PPIP5K2: variants seen among roughly 807,000 people sequenced by gnomAD.
The protein encoded by PPIP5K2 is diphosphoinositol pentakisphosphate kinase 2.
Under a neutral mutation model 154.6 loss-of-function variants are expected in PPIP5K2, and 105 were observed. The ratio of observed to expected loss-of-function variants is 0.68; its 90% CI spans 0.58 to 0.80. The LOEUF is 0.80. PPIP5K2 is among the 30% of genes least tolerant of loss of function. The probability of loss-of-function intolerance (pLI) is 0.00; values close to 1 mark genes in which losing one functional copy is unlikely to be tolerated. For synonymous variants in PPIP5K2, 480 were observed against 490.3 expected (o/e 0.98, Z 0.28); for missense variants, 992 against 1,504.6 (o/e 0.66, Z 5.64).
intron 21 of PPIP5K2, among the ~76,000 whole-genome samples, chr5:103,176,490 C>T (rs569803387): frequency 1.3e-5 from 2 of 151,926 alleles, no homozygotes; most frequent in African/African-American, 2.4e-5. Flanking sequence ...CACACACACA[C>T]GGAATGTATA....
At chr5:103,198,635 T>C (rs1554229335) in intron 30 of PPIP5K2, among the ~76,000 whole-genome samples, 1 of 152,210 alleles carries the variant, frequency 6.6e-6, no homozygotes, top group Non-Finnish European at 1.5e-5. Flanking sequence ...AATTGACTCA[T>C]TTATTATCAT....
chr5:103,176,825 A>T, intron 21 of PPIP5K2: 1 of 1,201,316 alleles, frequency 8.3e-7, no homozygotes, highest in Non-Finnish European at 1.1e-6. Flanking sequence ...GTTCTCTAAG[A>T]TCCTTTTCAG....
chr5:103,158,840 G>C (rs1344774438), intron 16 of PPIP5K2, among the ~76,000 whole-genome samples: 6 of 152,068 alleles, frequency 3.9e-5, no homozygotes, highest in African/African-American at 1.4e-4. Flanking sequence ...GAGATGGGAG[G>C]ATCACCTGAG....
intron 1 of PPIP5K2, among the ~76,000 whole-genome samples, chr5:103,121,883 GAAT>G (rs1358585641): frequency 6.6e-6 from 1 of 152,196 alleles, no homozygotes; most frequent in Admixed American, 6.5e-5. Flanking sequence ...TAAGTAGTGG[GAAT>G]ATATAGATTA....
In PPIP5K2 at chr5:103,158,314, G is replaced by C. The variant is rs1446331588; in HGVS notation, c.1615+1G>C. On this transcript the variant is annotated splice_donor_variant, in intron 15 of 30. Transcript: ENST00000358359. LOFTEE classifies it high-confidence loss of function. ...AGGTGTATGTATCCTGGAGGTCAAGGTAAATCTTAGAGTTTTCTTTAATTT... is the reference window on the plus strand; with the variant it reads ...AGGTGTATGTATCCTGGAGGTCAAGCTAAATCTTAGAGTTTTCTTTAATTT... The C allele has an allele frequency of 6.2e-7, 1 of 1,609,312 alleles. No homozygotes were observed. Among genetic ancestry groups the C allele is most frequent in the Non-Finnish European group, 8.5e-7 (1 of 1,178,806 alleles).
At chr5:103,140,632 GA>G (rs1346816565) in intron 5 of PPIP5K2, among the ~76,000 whole-genome samples, 7 of 151,782 alleles carry the variant, frequency 4.6e-5, no homozygotes, top group Admixed American at 4.6e-4. Context: ...GGCGGATCAC[GA>G]GGTCAGGAGA....
intron 17 of PPIP5K2, among the ~76,000 whole-genome samples, chr5:103,160,808 A>G (rs1796099181): frequency 6.6e-6 from 1 of 152,108 alleles, no homozygotes; most frequent in Non-Finnish European, 1.5e-5. Context: ...TAAAGTTGCC[A>G]TGAATATCCT....
In PPIP5K2 at chr5:103,211,284, T is replaced by C. The variant is rs1554232572; in HGVS notation, c.*9650T>C. 1 of 152,062 alleles carries C rather than the reference T, an allele frequency of 6.6e-6. No homozygotes were observed. The highest frequency in any genetic ancestry group is 1.5e-5 in the Non-Finnish European group (1 of 67,986). 9.4% of individuals were successfully genotyped at this position (152,062 alleles called of 1,614,324 possible). On this transcript the variant is annotated 3_prime_UTR_variant, in exon 31 of 31. Coordinates refer to ENST00000358359, the MANE Select transcript of PPIP5K2 (RefSeq NM_001276277.3). The stretch of plus-strand genomic sequence containing the variant: ...GAAAGACTAGACCTTATACTCATTT[T>C]ATCTTAACAGTTTATTATAACTCAT...
intron 21 of PPIP5K2, chr5:103,176,795 T>C (rs1798784682): frequency 3.3e-6 from 3 of 902,870 alleles, no homozygotes; most frequent in South Asian, 1.9e-5. Context: ...AATTTTCTAC[T>C]TTGAATGCTT....
chr5:103,187,247 CTCTT>C (rs774445505), intron 27 of PPIP5K2, 63 bp from the exon 28 acceptor site: 6 of 1,241,780 alleles, frequency 4.8e-6, no homozygotes, highest in Non-Finnish European at 5.7e-6. Flanking sequence ...TGTTTTTCCC[CTCTT>C]TCTTTTAAGT....
chr5:103,162,691 T>C (rs534915612), intron 17 of PPIP5K2, among the ~76,000 whole-genome samples: 1 of 152,296 alleles, frequency 6.6e-6, no homozygotes, highest in East Asian at 1.9e-4. Context: ...GCAAAAGTTA[T>C]AGTTTTTCAT....
intron 1 of PPIP5K2, among the ~76,000 whole-genome samples, chr5:103,126,894 C>T (rs1583183614): frequency 6.6e-6 from 1 of 152,108 alleles, no homozygotes; most frequent in East Asian, 1.9e-4. Context: ...CAGATACACC[C>T]ATGATCAATA....
rs78465395 is a variant in PPIP5K2 at position 103,150,907 on chromosome 5, T to A, written c.907-346T>A. On this transcript the variant is annotated intron_variant, in intron 8 of 30. Coordinates refer to ENST00000358359, the MANE Select transcript of PPIP5K2 (RefSeq NM_001276277.3). Reference sequence around the variant, plus strand: ...ATTTCTGCTAGAGCCAATTTTTTTTTATCAGATCCTTTAAAAATTTTGCTT... The same window carrying A: ...ATTTCTGCTAGAGCCAATTTTTTTTAATCAGATCCTTTAAAAATTTTGCTT... 4.4e-3 allele frequency among the ~76,000 whole-genome samples: 663 copies of A among 151,086 alleles called. 3 individuals carry two copies. The highest frequency in any genetic ancestry group is 0.014 in the African/African-American group (583 of 41,202).
At chr5:103,147,636 A>G (rs1413509946) in intron 6 of PPIP5K2, among the ~76,000 whole-genome samples, 3 of 151,984 alleles carry the variant, frequency 2.0e-5, no homozygotes, top group Non-Finnish European at 4.4e-5. Context: ...GGAAAATTCT[A>G]GAGTAGTAAA....
At chr5:103,127,398 G>A (rs535889472) in intron 1 of PPIP5K2, among the ~76,000 whole-genome samples, 2 of 152,074 alleles carry the variant, frequency 1.3e-5, no homozygotes, top group African/African-American at 4.8e-5. Context: ...AATTTATTTG[G>A]CTATCTTCCT....
At position 103,146,412 on chromosome 5, in the gene PPIP5K2, A is replaced by G. The variant is rs1011395483; in HGVS notation, c.488-115A>G. 26 of 1,076,254 alleles carry G rather than the reference A, an allele frequency of 2.4e-5. No homozygotes were observed. The Admixed American group carries it at 6.2e-4, about 26-fold the overall frequency. 66.7% of individuals were successfully genotyped at this position (1,076,254 alleles called of 1,614,324 possible). The stretch of plus-strand genomic sequence containing the variant: ...TGGATAATTAAAATCAAGTAAGTAC[A>G]TTATCCAAGTTTTCTTTTATGGTCT... On this transcript the variant is annotated intron_variant, in intron 5 of 30. Coordinates refer to ENST00000358359, the MANE Select transcript of PPIP5K2 (RefSeq NM_001276277.3).
At chr5:103,185,977 A>G (rs1359633975) in intron 26 of PPIP5K2, among the ~76,000 whole-genome samples, 1 of 151,864 alleles carries the variant, frequency 6.6e-6, no homozygotes, top group East Asian at 1.9e-4. Flanking sequence ...AAATTGATTA[A>G]CAGAGTCCTT....
intron 30 of PPIP5K2, among the ~76,000 whole-genome samples, chr5:103,199,974 G>A (rs1017984336): frequency 6.6e-6 from 1 of 152,050 alleles, no homozygotes; most frequent in African/African-American, 2.4e-5. Context: ...ATGTTTTTCT[G>A]TTTCTTAGTA....
intron 29 of PPIP5K2, among the ~76,000 whole-genome samples, chr5:103,191,955 T>G (rs1434271184): frequency 6.6e-6 from 1 of 152,110 alleles, no homozygotes; most frequent in Non-Finnish European, 1.5e-5. Flanking sequence ...AAATGAGATA[T>G]TAGAGCTCTC....
Sources: gnomAD v4.1 joint callset for allele counts (sites outside exome capture counted in the v4.1 genomes callset) on GRCh38, gnomAD v4.1.1 for gene constraint, MANE v1.5 for transcripts, NCBI Gene and HGNC (gene_info 2026-07-23, HGNC 2026-07-21) for gene names.